TLN2: variants seen among roughly 807,000 people sequenced by gnomAD.
TLN2 encodes the protein talin-2.
Under a neutral mutation model 294.7 loss-of-function variants are expected in TLN2, and 118 were observed. That is an observed-to-expected ratio of 0.40 (90% confidence interval 0.34 to 0.47). The LOEUF (loss-of-function observed/expected upper bound fraction) is 0.47. TLN2 is among the 20% of genes least tolerant of loss of function. The probability of loss-of-function intolerance (pLI) is 0.84; values close to 1 mark genes in which losing one functional copy is unlikely to be tolerated. For missense variants in TLN2, 3,083 were observed against 3,282.2 expected, an observed-to-expected ratio of 0.94 and a Z score of 1.48; for synonymous variants, 1,431 against 1,304.5, an observed-to-expected ratio of 1.10 and a Z score of -2.09.
chr15:62,518,202 C>G (rs1371948365), intron 1 of TLN2, among the ~76,000 whole-genome samples: 6 of 152,136 alleles, frequency 3.9e-5, no homozygotes, highest in Non-Finnish European at 5.9e-5. Flanking sequence ...CCACGTCCCG[C>G]TAGTTTTTGT....
chr15:62,627,066 A>G (rs1437215485), intron 3 of TLN2, among the ~76,000 whole-genome samples: 1 of 152,246 alleles, frequency 6.6e-6, no homozygotes, highest in East Asian at 1.9e-4. Context: ...TGCTCATGAT[A>G]AAAGAATCAA....
At chr15:62,622,980 C>T (rs2048965595) in intron 3 of TLN2, among the ~76,000 whole-genome samples, 1 of 152,200 alleles carries the variant, frequency 6.6e-6, no homozygotes, top group Admixed American at 6.5e-5. Flanking sequence ...CACAGCTGGC[C>T]CTGAGTGCCA....
chr15:62,520,807 T>C (rs2040420139), intron 1 of TLN2, among the ~76,000 whole-genome samples: 2 of 152,208 alleles, frequency 1.3e-5, no homozygotes, highest in South Asian at 4.1e-4. Flanking sequence ...ATAGAGCGAT[T>C]TAAAAAATAA....
At position 62,646,718 on chromosome 15, in the gene TLN2, CA is replaced by C. The variant is rs372806539; in HGVS notation, c.-36-554del. Among the ~76,000 whole-genome samples, 451 of 152,242 alleles carry C rather than the reference CA, an allele frequency of 3.0e-3. 3 individuals carry two copies. The highest frequency in any genetic ancestry group is 0.01 in the African/African-American group (419 of 41,564). ...TGTGAAGAAATTGAGGCAGAGTGGC[CA>C]AAGTGACTTTCTCAGATTGACACAG... On this transcript the variant is annotated intron_variant, in intron 3 of 58. Transcript: ENST00000636159.
At chr15:62,451,304 C>T (rs374677201) in intron 1 of TLN2, among the ~76,000 whole-genome samples, 18 of 152,210 alleles carry the variant, frequency 1.2e-4, no homozygotes, top group Middle Eastern at 3.4e-3. Flanking sequence ...GTGGCAGTCT[C>T]GCCAGGTCAG....
At chr15:62,555,925 T>C (rs1436672370) in intron 1 of TLN2, among the ~76,000 whole-genome samples, 1 of 100,262 alleles carries the variant, frequency 1.0e-5, no homozygotes, top group African/African-American at 3.9e-5. Flanking sequence ...ATTATTCTTA[T>C]TTTTTAAACT....
At chr15:62,547,487 C>G (rs1047352795) in intron 1 of TLN2, among the ~76,000 whole-genome samples, 1 of 152,330 alleles carries the variant, frequency 6.6e-6, no homozygotes, top group East Asian at 1.9e-4. Context: ...AAATCCCAAC[C>G]TCTGTTTATT....
intron 1 of TLN2, among the ~76,000 whole-genome samples, chr15:62,537,129 C>G (rs1192087580): frequency 6.6e-6 from 1 of 152,016 alleles, no homozygotes; most frequent in African/African-American, 2.4e-5. Context: ...TGCCATTCCC[C>G]TGCCTCAGCC....
chr15:62,745,516 C>T (rs1026015356), intron 32 of TLN2, among the ~76,000 whole-genome samples: 9 of 152,010 alleles, frequency 5.9e-5, no homozygotes, highest in South Asian at 2.1e-4. Context: ...TAATATATGT[C>T]GTTCTATCAT....
At position 62,625,099 on chromosome 15, in the gene TLN2, G is replaced by A. The variant is rs544396376; in HGVS notation, c.-37+6624G>A. On this transcript the variant is annotated intron_variant, in intron 3 of 58. Coordinates refer to ENST00000636159, the MANE Select transcript of TLN2 (RefSeq NM_015059.3). ...GCTGGAAGTCAAGGCTGATGTGAGCGTATTGGTGGGGGAAGTAGCGTGAGG... is the reference window on the plus strand; with the variant it reads ...GCTGGAAGTCAAGGCTGATGTGAGCATATTGGTGGGGGAAGTAGCGTGAGG... Among the ~76,000 whole-genome samples, 9 of 152,296 alleles carry A rather than the reference G, an allele frequency of 5.9e-5. No homozygotes were observed. The East Asian group carries it at 9.7e-4, about 16-fold the overall frequency.
At chr15:62,653,526 C>G (rs2052841849) in intron 7 of TLN2, among the ~76,000 whole-genome samples, 1 of 152,110 alleles carries the variant, frequency 6.6e-6, no homozygotes, top group Non-Finnish European at 1.5e-5. Flanking sequence ...AGGTTTGAGA[C>G]CAGCCTGGCC....
Position 62,716,366 on chromosome 15 carries a change from G to C in TLN2, c.2670G>C (p.Gln890His), listed in dbSNP as rs1448071936. The C allele has an allele frequency of 6.2e-7, 1 of 1,610,032 alleles. No homozygotes were observed. Among genetic ancestry groups the C allele is most frequent in the Non-Finnish European group, 8.5e-7 (1 of 1,178,430 alleles). Residue 890 changes from glutamine to histidine, a missense_variant, in exon 23 of 59, where the codon CAG (glutamine) becomes CAC (histidine). Gln to His is a conservative substitution (Grantham distance 24, BLOSUM62 0). Coordinates refer to ENST00000636159, the MANE Select transcript of TLN2 (RefSeq NM_015059.3). ...AAANPENEDQ[Q>H]QRLREAAEGL... The stretch of plus-strand genomic sequence containing the variant: ...CCAACCCAGAGAATGAGGACCAGCA[G>C]CAAAGGCTGAGAGAAGCTGCAGAAG...
chr15:62,705,951 A>G (rs1205733948), intron 19 of TLN2, among the ~76,000 whole-genome samples: 1 of 152,238 alleles, frequency 6.6e-6, no homozygotes, highest in Non-Finnish European at 1.5e-5. Context: ...TGATAGATTC[A>G]TGGGTTTCTG....
Position 62,612,504 on chromosome 15 carries a change from A to T in TLN2, c.-161-5847A>T, listed in dbSNP as rs541712916. Among the ~76,000 whole-genome samples the T allele has an allele frequency of 2.6e-5, 4 of 152,262 alleles. No individual in the cohort carries two copies. The East Asian group carries it at 7.7e-4, about 29-fold the overall frequency. ...ACAACAAGCTCCCAGAAGTTTTAAA[A>T]CACAACACATTGCTGACCTGGTTAT... is the stretch of plus-strand genomic sequence containing the variant. On this transcript the variant is annotated intron_variant, in intron 2 of 58. Transcript: ENST00000636159.
chr15:62,690,886 CG>C (rs2057821383), intron 12 of TLN2, among the ~76,000 whole-genome samples: 1 of 151,706 alleles, frequency 6.6e-6, no homozygotes. Context: ...TGGCGGTGCG[CG>C]CCTGCAATCG....
chr15:62,835,691 T>A, intron 55 of TLN2, 46 bp from the exon 56 acceptor site: 1 of 1,606,664 alleles, frequency 6.2e-7, no homozygotes, highest in Non-Finnish European at 8.5e-7. Flanking sequence ...CTGCGACCAC[T>A]GGGGCTGCCT....
intron 12 of TLN2, chr15:62,687,674 A>C (rs1596725622): frequency 6.6e-6 from 1 of 152,150 alleles, no homozygotes; most frequent in Non-Finnish European, 1.5e-5. Context: ...TTGAAATATC[A>C]CCTCTTATCT....
At chr15:62,496,158 G>T (rs750339222) in intron 1 of TLN2, among the ~76,000 whole-genome samples, 1 of 152,154 alleles carries the variant, frequency 6.6e-6, no homozygotes, top group Non-Finnish European at 1.5e-5. Context: ...TGACCAGTCT[G>T]GCCAGCTTTG....
At chr15:62,654,663 G>A (rs939533705) in intron 7 of TLN2, among the ~76,000 whole-genome samples, 3 of 147,844 alleles carry the variant, frequency 2.0e-5, no homozygotes, top group Non-Finnish European at 4.4e-5. Context: ...ACTGAGGCAG[G>A]AGAATCGCTT....
Sources: gnomAD v4.1 joint callset for allele counts (sites outside exome capture counted in the v4.1 genomes callset) on GRCh38, gnomAD v4.1.1 for gene constraint, MANE v1.5 for transcripts, NCBI Gene and HGNC (gene_info 2026-07-23, HGNC 2026-07-21) for gene names.